The following UBE2G1 variants were observed in gnomAD, a reference collection of about 807,000 sequenced individuals.
The protein encoded by UBE2G1 is ubiquitin-conjugating enzyme E2 G1.
In UBE2G1, 5 loss-of-function variants were observed where a neutral mutation model predicts 22.7. The ratio of observed to expected loss-of-function variants is 0.22; its 90% confidence interval spans 0.12 to 0.46. The LOEUF (loss-of-function observed/expected upper bound fraction) is 0.46. Ranked by LOEUF, UBE2G1 falls within the 20% of genes least tolerant of loss-of-function variation. UBE2G1 has a pLI of 0.99. For missense variants in UBE2G1, 88 were observed against 203.9 expected (o/e 0.43, Z 3.46); for synonymous variants, 74 against 67.5 (o/e 1.10, Z -0.47).
chr17:4,313,541 A>C, intron 1 of UBE2G1, among the ~76,000 whole-genome samples: 1 of 152,198 alleles, frequency 6.6e-6, no homozygotes, highest in Admixed American at 6.5e-5. Context: ...TTCTCACAAA[A>C]GTCATGACTG....
In UBE2G1 at chr17:4,366,321, C is replaced by T. The variant is rs1202480630; in HGVS notation, c.-5G>A. On this transcript the variant is annotated 5_prime_UTR_variant, in exon 1 of 6. Coordinates refer to ENST00000396981, the MANE Select transcript of UBE2G1 (RefSeq NM_003342.5). The stretch of plus-strand genomic sequence containing the variant: ...TGCCGACTGCAGCTCCGTCATCCTC[C>T]CTGCCGAGGGCCCGGGCTGGCGCCG... 1 of 1,543,992 alleles carries T rather than the reference C, an allele frequency of 6.5e-7. No individual in the cohort carries two copies. Among genetic ancestry groups the T allele is most frequent in the Non-Finnish European group, 8.7e-7 (1 of 1,154,412 alleles).
At chr17:4,357,521 T>TGGGG (rs1306221886) in intron 1 of UBE2G1, among the ~76,000 whole-genome samples, 98 of 14,466 alleles carry the variant, frequency 6.8e-3, no homozygotes, top group Non-Finnish European at 8.4e-3. Flanking sequence ...GGGGGGGGGG[T>TGGGG]GGGTGTATAA....
chr17:4,365,641 G>A (rs1177070826), intron 1 of UBE2G1, among the ~76,000 whole-genome samples: 1 of 152,108 alleles, frequency 6.6e-6, no homozygotes, highest in African/African-American at 2.4e-5. Context: ...CGCAGCCGGA[G>A]CCCGTGCCAG....
intron 1 of UBE2G1, among the ~76,000 whole-genome samples, chr17:4,312,425 G>T (rs1384142980): frequency 2.6e-5 from 4 of 152,056 alleles, no homozygotes; most frequent in Non-Finnish European, 2.9e-5. Flanking sequence ...GCGGCACAAG[G>T]TAAACTGAGA....
At chr17:4,363,674 CG>C (rs759288870) in intron 1 of UBE2G1, among the ~76,000 whole-genome samples, 4 of 152,002 alleles carry the variant, frequency 2.6e-5, no homozygotes, top group East Asian at 1.9e-4. Flanking sequence ...TCAGAGAGGC[CG>C]GGCCCGGTGG....
intron 1 of UBE2G1, among the ~76,000 whole-genome samples, chr17:4,307,618 C>T (rs1467278423): frequency 1.3e-5 from 2 of 152,162 alleles, no homozygotes; most frequent in East Asian, 1.9e-4. Context: ...GTCTTGGGGA[C>T]CTGCTTCTAC....
chr17:4,332,381 C>G (rs1969589557), intron 1 of UBE2G1, among the ~76,000 whole-genome samples: 1 of 152,092 alleles, frequency 6.6e-6, no homozygotes, highest in Non-Finnish European at 1.5e-5. Flanking sequence ...TTCATTTCAG[C>G]CACAAATGTT....
At chr17:4,288,469 A>T (rs1293537672) in intron 4 of UBE2G1, among the ~76,000 whole-genome samples, 1 of 151,778 alleles carries the variant, frequency 6.6e-6, no homozygotes, top group Non-Finnish European at 1.5e-5. Flanking sequence ...CTCGTGATCC[A>T]CCCGCCTCGG....
At chr17:4,294,434 A>G (rs898926536) in intron 3 of UBE2G1, among the ~76,000 whole-genome samples, 1 of 108,980 alleles carries the variant, frequency 9.2e-6, no homozygotes, top group East Asian at 3.1e-4. Flanking sequence ...AAAAAAAAAA[A>G]AAAAAAGAAA....
chr17:4,299,577 T>C (rs1969149916), intron 2 of UBE2G1, among the ~76,000 whole-genome samples: 2 of 152,220 alleles, frequency 1.3e-5, no homozygotes, highest in Admixed American at 1.3e-4. Context: ...AATAGCTGAC[T>C]GGAATCCTCA....
At chr17:4,337,395 G>A (rs1158888836) in intron 1 of UBE2G1, among the ~76,000 whole-genome samples, 3 of 151,848 alleles carry the variant, frequency 2.0e-5, no homozygotes, top group Non-Finnish European at 4.4e-5. Flanking sequence ...GCTCACGCCT[G>A]TAATCCCAGC....
intron 1 of UBE2G1, among the ~76,000 whole-genome samples, chr17:4,328,665 T>C (rs1969528747): frequency 2.0e-5 from 3 of 152,250 alleles, no homozygotes; most frequent in Non-Finnish European, 2.9e-5. Context: ...AAGTTATTTA[T>C]ACATTTATTC....
chr17:4,331,015 A>G (rs1005643919), intron 1 of UBE2G1, among the ~76,000 whole-genome samples: 2 of 102,082 alleles, frequency 2.0e-5, no homozygotes, highest in African/African-American at 1.5e-4. Flanking sequence ...CACATTCCAA[A>G]CTGTCAAGGT....
chr17:4,276,449 G>A (rs990198411), intron 5 of UBE2G1, among the ~76,000 whole-genome samples: 5 of 152,042 alleles, frequency 3.3e-5, no homozygotes, highest in African/African-American at 1.2e-4. Context: ...GTGAGCCACT[G>A]CCCCTGGCCT....
At chr17:4,307,802 T>C (rs891808376) in intron 1 of UBE2G1, among the ~76,000 whole-genome samples, 34 of 152,098 alleles carry the variant, frequency 2.2e-4, no homozygotes, top group Non-Finnish European at 4.7e-4. Context: ...GTTCTCCTCC[T>C]CTAAAGAGAG....
At chr17:4,308,185 C>G (rs1337585855) in intron 1 of UBE2G1, among the ~76,000 whole-genome samples, 2 of 152,076 alleles carry the variant, frequency 1.3e-5, no homozygotes, top group East Asian at 3.9e-4. Flanking sequence ...GAAACGCCGT[C>G]TCTATTAAAA....
At chr17:4,285,577 A>G (rs77680983) in intron 4 of UBE2G1, among the ~76,000 whole-genome samples, 2,673 of 152,308 alleles carry the variant, frequency 0.018, 33 homozygotes, top group Middle Eastern at 0.037. Context: ...TCCATGAAAC[A>G]AAAGATTCAA....
chr17:4,366,166 G>T, intron 1 of UBE2G1, 105 bp downstream of exon 1: 1 of 1,247,208 alleles, frequency 8.0e-7, no homozygotes. Context: ...CGCAGGCCCG[G>T]GCCCCTTCGG....
chr17:4,334,839 TTAAG>T (rs1271901899), intron 1 of UBE2G1, among the ~76,000 whole-genome samples: 2 of 152,124 alleles, frequency 1.3e-5, no homozygotes, highest in East Asian at 1.9e-4. Context: ...GTTTTTACTG[TTAAG>T]TAAAAGTTTT....
Sources: allele counts gnomAD v4.1 joint callset (sites outside exome capture counted in the v4.1 genomes callset), GRCh38; gene constraint gnomAD v4.1.1; transcripts MANE v1.5; gene names NCBI Gene and HGNC (gene_info 2026-07-23, HGNC 2026-07-21).